Variants in CNTN5 observed in about 807,000 individuals in gnomAD.
CNTN5 encodes the protein contactin 5.
A neutral mutation model predicts 129.1 loss-of-function variants in CNTN5; 77 were observed. That is an observed-to-expected ratio of 0.60 (90% CI 0.50 to 0.72). The LOEUF is 0.72. CNTN5 is among the 30% of genes least tolerant of loss of function. CNTN5 has a pLI of 0.00. For synonymous variants in CNTN5, 509 were observed against 465.6 expected (o/e 1.09, Z -1.20); for missense variants, 1,478 against 1,328.8 (o/e 1.11, Z -1.75).
chr11:99,068,008 T>C (rs1306776761), intron 1 of CNTN5, among the ~76,000 whole-genome samples: 1 of 152,114 alleles, frequency 6.6e-6, no homozygotes, highest in African/African-American at 2.4e-5. Flanking sequence ...TGGTAGCTTC[T>C]CCTGCATTAT....
At chr11:100,208,681 A>G (rs574295693) in intron 15 of CNTN5, among the ~76,000 whole-genome samples, 1 of 152,316 alleles carries the variant, frequency 6.6e-6, no homozygotes, top group South Asian at 2.1e-4. Context: ...CACAATTTTT[A>G]CATTTCTCCA....
chr11:99,469,003 C>A (rs909128732), intron 2 of CNTN5, among the ~76,000 whole-genome samples: 1 of 151,842 alleles, frequency 6.6e-6, no homozygotes, highest in African/African-American at 2.4e-5. Context: ...ACTCCTTGGC[C>A]TTCACAGCAT....
At position 99,201,364 on chromosome 11, in the gene CNTN5, T is replaced by TTCCTTCCTTCCTTCCTTCCTTCCC. The variant is rs1859188184; in HGVS notation, c.-209-123964_-209-123963insCTTCCCTCCTTCCTTCCTTCCTTC. Among the ~76,000 whole-genome samples the TTCCTTCCTTCCTTCCTTCCTTCCC allele has an allele frequency of 2.7e-5, 4 of 148,180 alleles. 1 individual carries two copies. The highest frequency in any genetic ancestry group is 1.0e-4 in the African/African-American group (4 of 39,884). ...TCCTTCCTTTCCTTTCCTTCCTTCC[T>TTCCTTCCTTCCTTCCTTCCTTCCC]TCCTTCCTTCCTTCCTTCTTTCCTT... On this transcript the variant is annotated intron_variant, in intron 1 of 24. Transcript: ENST00000524871.
chr11:99,095,775 T>C (rs1591182232), intron 1 of CNTN5, among the ~76,000 whole-genome samples: 1 of 151,876 alleles, frequency 6.6e-6, no homozygotes, highest in African/African-American at 2.4e-5. Flanking sequence ...GCAAGCTGAG[T>C]ATTTTGGACA....
At chr11:99,234,544 C>T (rs79256145) in intron 1 of CNTN5, among the ~76,000 whole-genome samples, 173 of 151,818 alleles carry the variant, frequency 1.1e-3, no homozygotes, top group South Asian at 2.3e-3. Context: ...CTGTACATAT[C>T]ATACCATTGA....
intron 4 of CNTN5, among the ~76,000 whole-genome samples, chr11:99,829,391 C>A (rs1221103700): frequency 6.6e-6 from 1 of 152,066 alleles, no homozygotes; most frequent in East Asian, 1.9e-4. Context: ...TTTGGTCATC[C>A]CCAGGCTTTA....
At chr11:99,780,470 T>C (rs1176387944) in intron 3 of CNTN5, among the ~76,000 whole-genome samples, 1 of 151,384 alleles carries the variant, frequency 6.6e-6, no homozygotes, top group Non-Finnish European at 1.5e-5. Context: ...AAAGGTCGGG[T>C]TGAGAATAAA....
intron 3 of CNTN5, among the ~76,000 whole-genome samples, chr11:99,631,384 A>C (rs540243787): frequency 6.6e-5 from 10 of 152,114 alleles, no homozygotes; most frequent in Non-Finnish European, 1.2e-4. Context: ...TACAGAGTGC[A>C]CTTTCAGGGT....
chr11:99,870,330 C>A (rs1401927094), intron 6 of CNTN5, among the ~76,000 whole-genome samples: 1 of 152,066 alleles, frequency 6.6e-6, no homozygotes, highest in African/African-American at 2.4e-5. Context: ...ACTGTCACTT[C>A]ACTCTTCCAC....
At chr11:100,164,897 A>G (rs1947576611) in intron 13 of CNTN5, among the ~76,000 whole-genome samples, 1 of 151,868 alleles carries the variant, frequency 6.6e-6, no homozygotes, top group Non-Finnish European at 1.5e-5. Context: ...GACCTATGAC[A>G]CTTTTTAAAA....
chr11:99,546,768 A>T lies in CNTN5; in HGVS notation c.-70-9377A>T, dbSNP rs1948306860. Among the ~76,000 whole-genome samples, 5 of 152,074 alleles carry T rather than the reference A, an allele frequency of 3.3e-5. No homozygotes were observed. In the South Asian group the frequency reaches 1.0e-3, roughly 32 times the overall value. On this transcript the variant is annotated intron_variant, in intron 2 of 24. Coordinates refer to ENST00000524871, the MANE Select transcript of CNTN5 (RefSeq NM_014361.4). ...CTATGATCCTCAGGCTTGATCTCCTACCACTTACTCCTGGGCATTACTTTG... is the reference window on the plus strand; with the variant it reads ...CTATGATCCTCAGGCTTGATCTCCTTCCACTTACTCCTGGGCATTACTTTG...
chr11:100,262,012 A>G (rs916629958), intron 17 of CNTN5, among the ~76,000 whole-genome samples: 5 of 152,182 alleles, frequency 3.3e-5, no homozygotes, highest in Non-Finnish European at 7.4e-5. Context: ...TGAACAGCCA[A>G]CCTACAGAAT....
chr11:99,912,645 G>GTTTT (rs11424813), intron 6 of CNTN5, among the ~76,000 whole-genome samples: 6 of 142,210 alleles, frequency 4.2e-5, no homozygotes, highest in African/African-American at 1.6e-4. Context: ...GTTTTTCATA[G>GTTTT]TTTTTTTTTT....
At position 99,598,225 on chromosome 11, in the gene CNTN5, TCCTC is replaced by T. The variant is rs534524244; in HGVS notation, c.55+41960_55+41963del. ...CCTCAGGCGGGAACCTTTTCTTCCT[TCCTC>T]CCTTCTTTCCTTCCTTTTTCTTAGC... On this transcript the variant is annotated intron_variant, in intron 3 of 24. Coordinates refer to ENST00000524871, the MANE Select transcript of CNTN5 (RefSeq NM_014361.4). 8.8e-5 allele frequency among the ~76,000 whole-genome samples: 9 copies of T among 102,454 alleles called. No individual in the cohort carries two copies. The South Asian group carries it at 3.6e-3, about 41-fold the overall frequency. 67.2% of individuals were successfully genotyped at this position (102,454 alleles called of 152,430 possible).
intron 8 of CNTN5, among the ~76,000 whole-genome samples, chr11:99,978,319 A>G (rs1938122440): frequency 6.6e-6 from 1 of 152,228 alleles, no homozygotes; most frequent in East Asian, 1.9e-4. Context: ...ACTAAGGTTC[A>G]TTTATTATTA....
At chr11:99,815,289 C>T (rs1255903467) in intron 3 of CNTN5, among the ~76,000 whole-genome samples, 1 of 152,086 alleles carries the variant, frequency 6.6e-6, no homozygotes, top group Admixed American at 6.6e-5. Flanking sequence ...TAGATAAAGT[C>T]CTATCAATGA....
chr11:100,037,576 C>T (rs1424211633), intron 9 of CNTN5, among the ~76,000 whole-genome samples: 5 of 152,154 alleles, frequency 3.3e-5, no homozygotes, highest in South Asian at 2.1e-4. Context: ...TGGTAGAATT[C>T]GGCTGTGAAT....
intron 6 of CNTN5, among the ~76,000 whole-genome samples, chr11:99,881,414 T>G (rs541800559): frequency 6.6e-6 from 1 of 152,348 alleles, no homozygotes; most frequent in East Asian, 1.9e-4. Context: ...AAGTGATATT[T>G]ATGATTTTAC....
At chr11:99,920,586 C>G (rs1949912148) in intron 7 of CNTN5, among the ~76,000 whole-genome samples, 1 of 152,128 alleles carries the variant, frequency 6.6e-6, no homozygotes, top group African/African-American at 2.4e-5. Context: ...TTCTGTACAT[C>G]AGGCCTCAGA....
Sources: gnomAD v4.1 joint callset for allele counts (sites outside exome capture counted in the v4.1 genomes callset) on GRCh38, gnomAD v4.1.1 for gene constraint, MANE v1.5 for transcripts, NCBI Gene and HGNC (gene_info 2026-07-23, HGNC 2026-07-21) for gene names.